UNC80: variants seen among roughly 807,000 people sequenced by gnomAD.
UNC80 encodes the protein unc-80 subunit of NALCN channel complex.
In UNC80, 164 loss-of-function variants were observed where a neutral mutation model predicts 384.6. That is an observed-to-expected ratio of 0.43 (90% confidence interval 0.38 to 0.49). UNC80 has a LOEUF of 0.49. Ranked by LOEUF, UNC80 falls within the 20% of genes least tolerant of loss-of-function variation. UNC80 has a pLI of 0.00. For missense variants in UNC80, 3,330 were observed against 4,143.0 expected (o/e 0.80, Z 5.39); for synonymous variants, 1,486 against 1,527.8 (o/e 0.97, Z 0.64).
At chr2:209,918,472 C>A in intron 32 of UNC80, 60 bp from the exon 33 acceptor site, 1 of 1,506,084 alleles carries the variant, frequency 6.6e-7, no homozygotes, top group South Asian at 1.3e-5. Context: ...CATCATTATA[C>A]TTCAGCCTCA....
At chr2:209,985,180 T>C (rs926524625) in intron 61 of UNC80, among the ~76,000 whole-genome samples, 1 of 152,216 alleles carries the variant, frequency 6.6e-6, no homozygotes, top group Non-Finnish European at 1.5e-5. Flanking sequence ...TATGGGGCAT[T>C]TCCCACGGAT....
At chr2:209,787,187 A>G (rs144996405) in intron 5 of UNC80, among the ~76,000 whole-genome samples, 2 of 112,102 alleles carry the variant, frequency 1.8e-5, no homozygotes, top group East Asian at 6.6e-4. Context: ...TGGCCAGAAG[A>G]AAAAGCAATG....
At chr2:209,938,421 T>C (rs757121652) in intron 42 of UNC80, among the ~76,000 whole-genome samples, 31 of 152,188 alleles carry the variant, frequency 2.0e-4, no homozygotes, top group Non-Finnish European at 3.8e-4. Context: ...TCCAAAAATA[T>C]CTTCATGAAA....
At chr2:209,959,755 AT>A in intron 51 of UNC80, 48 bp downstream of exon 51, 3 of 1,491,866 alleles carry the variant, frequency 2.0e-6, no homozygotes, top group Non-Finnish European at 2.7e-6. Flanking sequence ...AGCTTGGCCC[AT>A]GTGTCTGAAT....
intron 1 of UNC80, among the ~76,000 whole-genome samples, chr2:209,772,839 T>TA (rs1237350174): frequency 6.6e-6 from 1 of 152,204 alleles, no homozygotes; most frequent in African/African-American, 2.4e-5. Context: ...ACTGGCGATT[T>TA]AAAATCTTAG....
chr2:209,818,178 A>C (rs1015544824), intron 11 of UNC80, among the ~76,000 whole-genome samples: 19 of 152,274 alleles, frequency 1.2e-4, no homozygotes, highest in African/African-American at 4.6e-4. Flanking sequence ...AGCAAGGACA[A>C]GCCATTCATA....
In UNC80 at chr2:209,905,714, C is replaced by T. The variant is rs187651571; in HGVS notation, c.4782+749C>T. The stretch of plus-strand genomic sequence containing the variant: ...TATGCATAAATAGGCCCACTGTTCA[C>T]AGCCAAGTAAAAGAGTCATCTAGGT... On this transcript the variant is annotated intron_variant, in intron 29 of 64. Transcript: ENST00000673920. Among the ~76,000 whole-genome samples, 13 of 152,302 alleles carry T rather than the reference C, an allele frequency of 8.5e-5. No individual in the cohort carries two copies. The East Asian group carries it at 2.5e-3, about 29-fold the overall frequency.
intron 39 of UNC80, 96 bp from the exon 40 acceptor site, chr2:209,935,618 A>G (rs1406967453): frequency 3.8e-6 from 2 of 521,454 alleles, no homozygotes; most frequent in Non-Finnish European, 6.4e-6. Flanking sequence ...TAACAGTAAA[A>G]ACATCAGCTT....
intron 21 of UNC80, chr2:209,845,079 GC>G (rs2082080184): frequency 1.4e-5 from 2 of 142,572 alleles, no homozygotes; most frequent in South Asian, 4.7e-4. Flanking sequence ...CGATTTTAAT[GC>G]CCTTCTTAAA....
At chr2:209,866,490 CCA>C (rs71409845) in intron 22 of UNC80, among the ~76,000 whole-genome samples, 1,632 of 107,554 alleles carry the variant, frequency 0.015, 20 homozygotes, top group Non-Finnish European at 0.024. Context: ...AAATGCACCC[CCA>C]CACACACACA....
intron 26 of UNC80, among the ~76,000 whole-genome samples, chr2:209,891,454 T>G (rs1353665488): frequency 6.6e-6 from 1 of 152,138 alleles, no homozygotes; most frequent in Non-Finnish European, 1.5e-5. Flanking sequence ...TTTTCTTTCC[T>G]TATTCAAAGT....
chr2:209,957,785 C>A, intron 49 of UNC80, 49 bp downstream of exon 49: 1 of 1,514,496 alleles, frequency 6.6e-7, no homozygotes, highest in Non-Finnish European at 9.0e-7. Flanking sequence ...TTCATACAAC[C>A]CGAATGTCAG....
intron 31 of UNC80, among the ~76,000 whole-genome samples, chr2:209,915,105 G>C (rs1005459193): frequency 6.6e-6 from 1 of 151,564 alleles, no homozygotes; most frequent in African/African-American, 2.4e-5. Flanking sequence ...ACAGGTGGAC[G>C]GGGCTTTAAA....
intron 28 of UNC80, among the ~76,000 whole-genome samples, chr2:209,900,639 T>G (rs2087293300): frequency 6.6e-6 from 1 of 152,218 alleles, no homozygotes; most frequent in Non-Finnish European, 1.5e-5. Context: ...TCTCTCACTT[T>G]AAATCAAATG....
chr2:209,922,122 C>T (rs2090084293), intron 34 of UNC80, 130 bp from the exon 35 acceptor site: 6 of 1,120,478 alleles, frequency 5.4e-6, no homozygotes, highest in African/African-American at 1.6e-5. Context: ...TTTTCCTTTT[C>T]TAAGTACACT....
Position 209,944,904 on chromosome 2 carries a change from A to G in UNC80, c.7051-147A>G, listed in dbSNP as rs1405110398. The G allele has an allele frequency of 5.6e-6, 5 of 890,982 alleles. No homozygotes were observed. In the Admixed American group the frequency reaches 1.1e-4, roughly 20 times the overall value. The allele number at this position is 890,982 out of a possible 1,614,324, so 55.2% of individuals were successfully genotyped here. A position where few individuals can be genotyped will look rare whatever the true frequency, so the allele number is the denominator to read the frequency against. On this transcript the variant is annotated intron_variant, in intron 45 of 64. Transcript: ENST00000673920. ...TACCACTCCAAAATCATACCACAGC[A>G]TTGCGGGATCCAGAATTATGTAAGC...
chr2:209,814,843 C>T (rs903271711), intron 8 of UNC80, among the ~76,000 whole-genome samples: 72 of 152,144 alleles, frequency 4.7e-4, no homozygotes, highest in African/African-American at 1.7e-3. Context: ...TCTGCATATT[C>T]TGAAAACAAA....
At chr2:209,777,770 G>C (rs1326122334) in intron 4 of UNC80, among the ~76,000 whole-genome samples, 1 of 152,144 alleles carries the variant, frequency 6.6e-6, no homozygotes, top group Non-Finnish European at 1.5e-5. Context: ...AATCTTCAGT[G>C]GTTCTCCCTC....
intron 33 of UNC80, 128 bp downstream of exon 33, chr2:209,918,791 T>G (rs889076937): frequency 9.0e-7 from 1 of 1,106,172 alleles, no homozygotes; most frequent in African/African-American, 1.6e-5. Context: ...AAAAGATCTT[T>G]GTCCTTGTGA....
Sources: gnomAD v4.1 joint callset for allele counts (sites outside exome capture counted in the v4.1 genomes callset) on GRCh38, gnomAD v4.1.1 for gene constraint, MANE v1.5 for transcripts, NCBI Gene and HGNC (gene_info 2026-07-23, HGNC 2026-07-21) for gene names.